The following NGEF variants were observed in gnomAD, a reference collection of about 807,000 sequenced individuals.
The protein encoded by NGEF is neuronal guanine nucleotide exchange factor.
A neutral mutation model predicts 80.9 loss-of-function variants in NGEF; 31 were observed. The ratio of observed to expected loss-of-function variants is 0.38; its 90% CI spans 0.29 to 0.52. The LOEUF (loss-of-function observed/expected upper bound fraction) is 0.52, where lower values mean the gene tolerates loss of function less well. NGEF is among the 20% of genes least tolerant of loss of function. The pLI, the probability that NGEF is intolerant of heterozygous loss-of-function variation, is 0.84. For synonymous variants in NGEF, 371 were observed against 370.2 expected, an observed-to-expected ratio of 1.00 and a Z score of -0.03; for missense variants, 709 against 926.2, an observed-to-expected ratio of 0.77 and a Z score of 3.04.
At chr2:232,987,802 C>T (rs1046391070) in intron 1 of NGEF, among the ~76,000 whole-genome samples, 2 of 152,092 alleles carry the variant, frequency 1.3e-5, no homozygotes, top group African/African-American at 2.4e-5. Flanking sequence ...AAAATGAACC[C>T]CCTCAGCCTT....
intron 5 of NGEF, among the ~76,000 whole-genome samples, chr2:232,910,155 G>A (rs977067361): frequency 2.6e-5 from 4 of 152,012 alleles, no homozygotes; most frequent in Non-Finnish European, 5.9e-5. Flanking sequence ...AGTGGCCAAC[G>A]ATGCTGCTAG....
At chr2:233,000,727 T>A (rs1485785879) in intron 1 of NGEF, among the ~76,000 whole-genome samples, 2 of 146,464 alleles carry the variant, frequency 1.4e-5, no homozygotes, top group Admixed American at 6.9e-5. Flanking sequence ...GCCACTGCAC[T>A]CCAGCTCGGG....
In NGEF at chr2:232,901,948, C is replaced by T. The variant is rs571634555; in HGVS notation, c.829-7032G>A. ...AGGGCCACCTGGGCCGCTGAAGACC[C>T]GGCCTCAGTCTGTCCTCGGCAGGGC... On this transcript the variant is annotated intron_variant, in intron 5 of 14. Transcript: ENST00000264051. 1.5e-4 allele frequency among the ~76,000 whole-genome samples: 23 copies of T among 152,358 alleles called. No individual in the cohort carries two copies. The South Asian group carries it at 1.7e-3, about 11-fold the overall frequency.
At chr2:232,880,449 C>T (rs1691459356) in intron 14 of NGEF, among the ~76,000 whole-genome samples, 1 of 152,228 alleles carries the variant, frequency 6.6e-6, no homozygotes. Context: ...CCTTTGGGAA[C>T]AGCCCACAAG....
At chr2:232,961,347 C>T (rs146109617) in intron 3 of NGEF, among the ~76,000 whole-genome samples, 4 of 152,250 alleles carry the variant, frequency 2.6e-5, no homozygotes, top group South Asian at 2.1e-4. Flanking sequence ...TTGCCTGGCT[C>T]GCCTTCACAT....
intron 3 of NGEF, among the ~76,000 whole-genome samples, chr2:232,948,040 T>C (rs1354744539): frequency 5.3e-5 from 8 of 152,162 alleles, no homozygotes; most frequent in Non-Finnish European, 1.0e-4. Context: ...TCAATCTTTT[T>C]AATACGGCCC....
intron 3 of NGEF, among the ~76,000 whole-genome samples, chr2:232,944,631 C>CT (rs150665052): frequency 1.6e-4 from 23 of 144,088 alleles, no homozygotes; most frequent in East Asian, 2.0e-4. Flanking sequence ...ACACACACTT[C>CT]TTTTTTTTTT....
chr2:232,928,514 C>T (rs1306542032), intron 3 of NGEF, among the ~76,000 whole-genome samples: 9 of 152,052 alleles, frequency 5.9e-5, no homozygotes, highest in African/African-American at 2.2e-4. Context: ...GCACCCCCTG[C>T]GGTCTCCCGC....
chr2:232,967,812 G>T (rs767500729), intron 3 of NGEF, among the ~76,000 whole-genome samples: 7 of 151,936 alleles, frequency 4.6e-5, no homozygotes, highest in Non-Finnish European at 1.0e-4. Flanking sequence ...CTGCTCTGTT[G>T]CCTGGTTCAC....
chr2:232,922,053 A>C (rs1049726000), intron 4 of NGEF, among the ~76,000 whole-genome samples: 3 of 152,234 alleles, frequency 2.0e-5, no homozygotes, highest in African/African-American at 7.2e-5. Flanking sequence ...CATGAGCAGC[A>C]GGATGTCCTG....
At chr2:232,890,961 C>T (rs971569074) in intron 8 of NGEF, 12 of 473,238 alleles carry the variant, frequency 2.5e-5, no homozygotes, top group Middle Eastern at 3.2e-4. Context: ...TTTGCACAAG[C>T]GGTTCCCTCT....
At chr2:232,912,995 G>A (rs1692720734) in intron 5 of NGEF, among the ~76,000 whole-genome samples, 2 of 152,046 alleles carry the variant, frequency 1.3e-5, no homozygotes, top group African/African-American at 2.4e-5. Context: ...AATTTCCCAT[G>A]TTGTTGATTC....
In NGEF at chr2:232,959,477, A is replaced by G. The variant is rs566459423; in HGVS notation, c.383+10737T>C. ...GTACATTTTCATAGAAATACATACAAGGAACAGTGTGGAAATGGGACATTG... is the reference window on the plus strand; with the variant it reads ...GTACATTTTCATAGAAATACATACAGGGAACAGTGTGGAAATGGGACATTG... On this transcript the variant is annotated intron_variant, in intron 3 of 14. Coordinates refer to ENST00000264051, the MANE Select transcript of NGEF (RefSeq NM_019850.3). Among the ~76,000 whole-genome samples, 3 of 152,338 alleles carry G rather than the reference A, an allele frequency of 2.0e-5. No homozygotes were observed. The East Asian group carries it at 5.8e-4, about 29-fold the overall frequency.
intron 5 of NGEF, among the ~76,000 whole-genome samples, chr2:232,906,587 A>G (rs1471150291): frequency 1.6e-4 from 7 of 43,818 alleles, no homozygotes; most frequent in African/African-American, 3.3e-4. Context: ...CCCTCCGGCC[A>G]CCCCTACTGG....
chr2:232,893,605 C>A (rs1691955578), intron 6 of NGEF, among the ~76,000 whole-genome samples: 1 of 152,082 alleles, frequency 6.6e-6, no homozygotes, highest in Non-Finnish European at 1.5e-5. Context: ...GAAACCCTGT[C>A]TCTACTAAAA....
At chr2:232,897,160 C>A (rs1692124526) in intron 5 of NGEF, among the ~76,000 whole-genome samples, 1 of 150,964 alleles carries the variant, frequency 6.6e-6, no homozygotes, top group Non-Finnish European at 1.5e-5. Flanking sequence ...GCCCCTTCCC[C>A]AGGGTCCTGC....
At chr2:232,953,170 C>T (rs1445672117) in intron 3 of NGEF, among the ~76,000 whole-genome samples, 8 of 150,828 alleles carry the variant, frequency 5.3e-5, no homozygotes, top group Non-Finnish European at 1.0e-4. Context: ...GGTGTGGTGG[C>T]GCGTGCCTGT....
intron 2 of NGEF, among the ~76,000 whole-genome samples, chr2:232,973,385 T>C (rs1036274034): frequency 2.0e-5 from 3 of 152,220 alleles, no homozygotes; most frequent in Non-Finnish European, 4.4e-5. Context: ...TTAGTGTTTG[T>C]GGTGGATGGC....
chr2:232,975,945 A>T (rs1264540643), intron 1 of NGEF, among the ~76,000 whole-genome samples: 1 of 152,186 alleles, frequency 6.6e-6, no homozygotes, highest in Non-Finnish European at 1.5e-5. Context: ...ACCGGCCTAT[A>T]ATCCTAGCAC....
Sources: gnomAD v4.1 joint callset for allele counts (sites outside exome capture counted in the v4.1 genomes callset) on GRCh38, gnomAD v4.1.1 for gene constraint, MANE v1.5 for transcripts, NCBI Gene and HGNC (gene_info 2026-07-23, HGNC 2026-07-21) for gene names.